The following KLRG1 variants were observed in gnomAD, a reference collection of about 807,000 sequenced individuals.
The protein encoded by KLRG1 is killer cell lectin like receptor G1, also known as killer cell lectin-like receptor subfamily G member 1.
Under a neutral mutation model 21.8 loss-of-function variants are expected in KLRG1, and 16 were observed. That is an observed-to-expected ratio of 0.73 (90% CI 0.50 to 1.11). The LOEUF (loss-of-function observed/expected upper bound fraction) is 1.11, where lower values mean the gene tolerates loss of function less well. Ranked by LOEUF, KLRG1 falls within the 50% of genes most tolerant of loss-of-function variation. The pLI, the probability that KLRG1 is intolerant of heterozygous loss-of-function variation, is 0.00. For synonymous variants in KLRG1, 69 were observed against 75.9 expected (o/e 0.91, Z 0.47); for missense variants, 173 against 218.3 (o/e 0.79, Z 1.31).
At chr12:9,140,877 C>T in the KLRG1 span, among the ~76,000 whole-genome samples, 5 of 152,170 alleles carry the variant, frequency 3.3e-5, no homozygotes, top group Non-Finnish European at 7.4e-5. Flanking sequence ...CCTTAAAGGA[C>T]AGCACACCTC....
At chr12:9,171,333 C>G in the KLRG1 span, among the ~76,000 whole-genome samples, 1 of 152,090 alleles carries the variant, frequency 6.6e-6, no homozygotes, top group Non-Finnish European at 1.5e-5. Context: ...CAAAAAAGAC[C>G]TAACACAAAT....
intron 2 of KLRG1, among the ~76,000 whole-genome samples, chr12:8,994,364 T>C (rs1388233274): frequency 6.6e-6 from 1 of 152,138 alleles, no homozygotes; most frequent in Non-Finnish European, 1.5e-5. Context: ...CCATGCCTGG[T>C]CAGTTCCCTT....
At chr12:9,005,920 T>G (rs890974561) in intron 3 of KLRG1, among the ~76,000 whole-genome samples, 3 of 152,244 alleles carry the variant, frequency 2.0e-5, no homozygotes, top group African/African-American at 7.2e-5. Context: ...GCGGTAATGC[T>G]GGCCCGCCTA....
chr12:8,968,194 C>T (rs1266616911), intron 1 of KLRG1, among the ~76,000 whole-genome samples: 3 of 151,342 alleles, frequency 2.0e-5, no homozygotes, highest in African/African-American at 4.9e-5. Flanking sequence ...TAAAACGGGT[C>T]GTCAGATTAG....
chr12:9,070,198 C>G, the KLRG1 span, among the ~76,000 whole-genome samples: 1 of 152,130 alleles, frequency 6.6e-6, no homozygotes, highest in Non-Finnish European at 1.5e-5. Flanking sequence ...ATATTTTTCA[C>G]TGGTTCGTGT....
the KLRG1 span, among the ~76,000 whole-genome samples, chr12:9,123,528 C>T: frequency 1.2e-4 from 18 of 152,190 alleles, no homozygotes; most frequent in South Asian, 6.2e-4. Flanking sequence ...ATTCATATCC[C>T]GGGTGTCAAG....
chr12:9,068,001 ACT>A, the KLRG1 span: 36 of 958,852 alleles, frequency 3.8e-5, no homozygotes, highest in Admixed American at 2.8e-4. Context: ...AATCCTATGG[ACT>A]CTCTGAGGTT....
chr12:9,150,804 A>G, the KLRG1 span: 2 of 1,039,786 alleles, frequency 1.9e-6, no homozygotes, highest in Admixed American at 3.7e-5. Flanking sequence ...TTCTCCCATG[A>G]GCAAAACATA....
the KLRG1 span, chr12:9,036,900 G>A: frequency 3.0e-6 from 1 of 336,926 alleles, no homozygotes; most frequent in South Asian, 3.3e-5. Flanking sequence ...GCTACCGGAT[G>A]GGGGACTTCG....
the KLRG1 span, chr12:9,163,837 A>G: frequency 1.3e-6 from 2 of 1,588,452 alleles, no homozygotes; most frequent in South Asian, 1.2e-5. Context: ...TGATAGTCCA[A>G]TCACCTTTAA....
At chr12:9,016,701 C>CAGG in the KLRG1 span, among the ~76,000 whole-genome samples, 1 of 152,154 alleles carries the variant, frequency 6.6e-6, no homozygotes, top group African/African-American at 2.4e-5. Context: ...CAACCTCTGC[C>CAGG]TCCTGGGTTC....
At chr12:9,164,897 G>A in the KLRG1 span, among the ~76,000 whole-genome samples, 1 of 152,190 alleles carries the variant, frequency 6.6e-6, no homozygotes, top group Non-Finnish European at 1.5e-5. Flanking sequence ...AAAGAATTCT[G>A]CAAGCGCTAA....
chr12:9,113,929 TAATCA>T, the KLRG1 span, among the ~76,000 whole-genome samples: 3 of 152,218 alleles, frequency 2.0e-5, no homozygotes, highest in African/African-American at 7.2e-5. Flanking sequence ...TTACAAAAAC[TAATCA>T]AATTATAGAA....
At chr12:9,022,476 T>C in the KLRG1 span, among the ~76,000 whole-genome samples, 1 of 152,202 alleles carries the variant, frequency 6.6e-6, no homozygotes, top group African/African-American at 2.4e-5. Context: ...CTTCCTCCCA[T>C]TTCCTGACAT....
At chr12:9,037,679 C>G in the KLRG1 span, among the ~76,000 whole-genome samples, 2 of 152,172 alleles carry the variant, frequency 1.3e-5, no homozygotes, top group Non-Finnish European at 2.9e-5. Context: ...GTGGTAAGAG[C>G]CCTATCGAGG....
chr12:9,066,463 C>A, the KLRG1 span: 3 of 152,406 alleles, frequency 2.0e-5, no homozygotes, highest in African/African-American at 7.2e-5. Flanking sequence ...TGGGCAGCAG[C>A]TTGTGTGTGT....
chr12:9,119,736 G>A, the KLRG1 span, among the ~76,000 whole-genome samples: 1 of 152,326 alleles, frequency 6.6e-6, no homozygotes, highest in South Asian at 2.1e-4. Flanking sequence ...GGAGGTCTCT[G>A]AAGGATGCAT....
At chr12:8,986,997 G>C (rs970214167), upstream of KLRG1, among the ~76,000 whole-genome samples, 2 of 152,174 alleles carry the variant, frequency 1.3e-5, no homozygotes, top group African/African-American at 4.8e-5. Context: ...CCCAGAAGCA[G>C]ATGCCACTAT....
the KLRG1 span, chr12:9,113,363 G>A: frequency 2.2e-5 from 35 of 1,612,780 alleles, no homozygotes; most frequent in Non-Finnish European, 2.3e-5. Context: ...CACTCACAGC[G>A]AAGGCGACAC....
Sources: gnomAD v4.1 joint callset for allele counts (sites outside exome capture counted in the v4.1 genomes callset) on GRCh38, gnomAD v4.1.1 for gene constraint, MANE v1.5 for transcripts, NCBI Gene and HGNC (gene_info 2026-07-23, HGNC 2026-07-21) for gene names.